Variants in GRIN2A observed in about 807,000 individuals in gnomAD.
The protein encoded by GRIN2A is glutamate receptor ionotropic, NMDA 2A.
In GRIN2A, 22 loss-of-function variants were observed where a neutral mutation model predicts 113.4. The observed-to-expected ratio is 0.19, with a 90% CI of 0.14 to 0.28. The LOEUF (loss-of-function observed/expected upper bound fraction) is 0.28, where lower values mean the gene tolerates loss of function less well. GRIN2A is among the 10% of genes least tolerant of loss of function. GRIN2A has a pLI of 1.00. For synonymous variants in GRIN2A, 827 were observed against 738.4 expected (o/e 1.12, Z -1.94); for missense variants, 1,502 against 1,887.0 (o/e 0.80, Z 3.78).
intron 2 of GRIN2A, among the ~76,000 whole-genome samples, chr16:9,982,026 G>A (rs556949687): frequency 6.6e-6 from 1 of 152,294 alleles, no homozygotes; most frequent in African/African-American, 2.4e-5. Context: ...GGCCTCAAGT[G>A]ATCTGCCCAC....
intron 2 of GRIN2A, among the ~76,000 whole-genome samples, chr16:10,157,311 A>G (rs905499424): frequency 9.9e-5 from 15 of 152,236 alleles, no homozygotes; most frequent in African/African-American, 3.6e-4. Context: ...AGTATGCAGG[A>G]TAAAACTCTG....
intron 2 of GRIN2A, among the ~76,000 whole-genome samples, chr16:10,077,877 T>C (rs904730629): frequency 2.6e-5 from 4 of 152,184 alleles, no homozygotes; most frequent in Non-Finnish European, 5.9e-5. Context: ...TTCCGTGGCA[T>C]CATATTTAAG....
At chr16:9,979,382 C>G (rs1228666904) in intron 2 of GRIN2A, among the ~76,000 whole-genome samples, 1 of 152,192 alleles carries the variant, frequency 6.6e-6, no homozygotes, top group Non-Finnish European at 1.5e-5. Context: ...CTGTCACCAG[C>G]TTTTTCCCTC....
intron 5 of GRIN2A, among the ~76,000 whole-genome samples, chr16:9,843,998 T>C (rs185216365): frequency 3.3e-4 from 50 of 152,324 alleles, no homozygotes; most frequent in South Asian, 8.3e-4. Flanking sequence ...CTCTTTTTCT[T>C]TCTGGTCGCT....
rs185917627 is a variant in GRIN2A, at chr16:10,050,430, C to A, written c.415-111879G>T. ...GCTTGCATTACCACCTGAGCTCCAC[C>A]TCCTGTCAGATAAGTGGCAGCATTA... On this transcript the variant is annotated intron_variant, in intron 2 of 12. Transcript: ENST00000330684. Among the ~76,000 whole-genome samples the A allele has an allele frequency of 5.0e-3, 757 of 152,150 alleles. 11 individuals are homozygous for A. Among genetic ancestry groups the A allele is most frequent in the African/African-American group, 0.017 (725 of 41,496 alleles).
intron 10 of GRIN2A, among the ~76,000 whole-genome samples, chr16:9,812,626 A>C (rs34980400): frequency 0.2 from 30,646 of 152,044 alleles, 3,611 homozygotes; most frequent in Non-Finnish European, 0.27. Context: ...TGACAGAGCG[A>C]GACTCTGTCT....
intron 12 of GRIN2A, among the ~76,000 whole-genome samples, chr16:9,765,906 T>C (rs374609664): frequency 1.1e-4 from 17 of 152,328 alleles, no homozygotes; most frequent in African/African-American, 3.8e-4. Flanking sequence ...CACCTCCATC[T>C]ATATGTCTTC....
At chr16:10,148,069 G>T (rs1481799145) in intron 2 of GRIN2A, among the ~76,000 whole-genome samples, 1 of 152,116 alleles carries the variant, frequency 6.6e-6, no homozygotes, top group Non-Finnish European at 1.5e-5. Context: ...CCTACTGGTT[G>T]CTCCCTGTCA....
chr16:10,141,823 A>T (rs2049331758), intron 2 of GRIN2A, among the ~76,000 whole-genome samples: 1 of 152,258 alleles, frequency 6.6e-6, no homozygotes, highest in African/African-American at 2.4e-5. Flanking sequence ...ACCAGAGCTC[A>T]GAAGGGAATG....
intron 2 of GRIN2A, among the ~76,000 whole-genome samples, chr16:9,995,484 A>G (rs1035430162): frequency 6.6e-6 from 1 of 152,176 alleles, no homozygotes; most frequent in African/African-American, 2.4e-5. Context: ...TGTTTTGGTC[A>G]AGATATTGTG....
chr16:9,769,056 G>T lies in GRIN2A; in HGVS notation c.2390C>A (p.Thr797Asn). The T allele has an allele frequency of 6.2e-7, 1 of 1,614,082 alleles. No homozygotes were observed. Among genetic ancestry groups the T allele is most frequent in the Non-Finnish European group, 8.5e-7 (1 of 1,179,946 alleles). Residue 797 changes from threonine (T) to asparagine (N), a missense_variant, in exon 12 of 13, where the codon ACT becomes AAT. Thr to Asn is a moderately conservative substitution (Grantham distance 65). Transcript: ENST00000330684. ...GTTCTTCTCGTTGTGGCAGATCCCAGTGAGCCACAGGGTCTCCAGCTCCTC... is the reference window on the plus strand; with the variant it reads ...GTTCTTCTCGTTGTGGCAGATCCCATTGAGCCACAGGGTCTCCAGCTCCTC... Reference protein sequence around the residue: ...EMEELETLWLTGICHNEKNEV... With the variant: ...EMEELETLWLNGICHNEKNEV...
chr16:9,763,487 T>G lies in GRIN2A; in HGVS notation c.4057A>C (p.Arg1353=), dbSNP rs1900689042. Residue 1353 remains arginine (R), a synonymous_variant, in exon 13 of 13, where the codon AGG becomes CGG. Coordinates refer to ENST00000330684, the MANE Select transcript of GRIN2A (RefSeq NM_001134407.3). ...TGGTCTGGCAAGAGAGACTTGCTCC[T>G]CTTGCTGTCCTCCAGACCTTGGGGG... ...LFPQGLEDSK[R]SKSLLPDHTS... The G allele has an allele frequency of 1.2e-6, 2 of 1,614,084 alleles. No individual in the cohort carries two copies. Among genetic ancestry groups the G allele is most frequent in the Non-Finnish European group, 1.7e-6 (2 of 1,180,004 alleles).
At chr16:9,974,951 C>T (rs1176267204) in intron 2 of GRIN2A, among the ~76,000 whole-genome samples, 1 of 152,104 alleles carries the variant, frequency 6.6e-6, no homozygotes, top group African/African-American at 2.4e-5. Flanking sequence ...ATTTTCACCA[C>T]TGAGTATGGT....
At chr16:10,011,022 G>A (rs192985191) in intron 2 of GRIN2A, among the ~76,000 whole-genome samples, 1 of 152,224 alleles carries the variant, frequency 6.6e-6, no homozygotes, top group Non-Finnish European at 1.5e-5. Context: ...TTTTCATGGT[G>A]ACATCCAAAG....
intron 11 of GRIN2A, among the ~76,000 whole-genome samples, chr16:9,781,196 T>C (rs903500960): frequency 1.3e-5 from 2 of 152,190 alleles, no homozygotes; most frequent in Admixed American, 6.5e-5. Flanking sequence ...AGAATTCTGA[T>C]TTAACCAATC....
chr16:10,179,893 C>CCCCAAACAAAAAAAAA, intron 2 of GRIN2A, 105 bp downstream of exon 2: 2 of 719,818 alleles, frequency 2.8e-6, no homozygotes, highest in Non-Finnish European at 4.8e-6. Context: ...CCCCCACCCC[C>CCCCAAACAAAAAAAAA]ACTTCACATC....
intron 2 of GRIN2A, among the ~76,000 whole-genome samples, chr16:10,030,958 C>T (rs2046917417): frequency 6.6e-6 from 1 of 152,130 alleles, no homozygotes; most frequent in African/African-American, 2.4e-5. Flanking sequence ...TCTCATGCAC[C>T]ATCTAGGGGG....
intron 2 of GRIN2A, chr16:10,121,489 GC>G (rs1567313861): frequency 1.3e-5 from 2 of 151,986 alleles, no homozygotes. Context: ...AGCCCCGGGA[GC>G]CCACACATCT....
chr16:9,922,183 C>A (rs1228647591), intron 3 of GRIN2A, among the ~76,000 whole-genome samples: 2 of 152,024 alleles, frequency 1.3e-5, no homozygotes, highest in Non-Finnish European at 2.9e-5. Flanking sequence ...CACCCAGAAG[C>A]CTGCTTTGTA....
Sources: gnomAD v4.1 joint callset for allele counts (sites outside exome capture counted in the v4.1 genomes callset) on GRCh38, gnomAD v4.1.1 for gene constraint, MANE v1.5 for transcripts, NCBI Gene and HGNC (gene_info 2026-07-23, HGNC 2026-07-21) for gene names.